Variants in ENTREP1 observed in about 807,000 individuals in gnomAD.
ENTREP1 encodes Friedreich ataxia region gene X123.
At chr9:69,383,474 C>T in the ENTREP1 span, 34 of 1,495,040 alleles carry the variant, frequency 2.3e-5, no homozygotes, top group Non-Finnish European at 2.8e-5. Context: ...CGGAGAGCAG[C>T]TTCTATTATT....
chr9:69,356,925 C>T, the ENTREP1 span, among the ~76,000 whole-genome samples: 1 of 152,104 alleles, frequency 6.6e-6, no homozygotes, highest in South Asian at 2.1e-4. Flanking sequence ...TGCTGAGGGT[C>T]CTGTCTTCTC....
chr9:69,338,252 T>C, the ENTREP1 span, among the ~76,000 whole-genome samples: 3 of 152,216 alleles, frequency 2.0e-5, no homozygotes, highest in Admixed American at 1.3e-4. Context: ...TCACAATGAC[T>C]CTCTAGGTTT....
At chr9:69,390,070 A>G in the ENTREP1 span, among the ~76,000 whole-genome samples, 1 of 152,242 alleles carries the variant, frequency 6.6e-6, no homozygotes, top group Admixed American at 6.5e-5. Context: ...TTTTAGATCC[A>G]TTTTGATTTT....
the ENTREP1 span, chr9:69,371,128 G>A: frequency 1.0e-5 from 3 of 288,262 alleles, no homozygotes; most frequent in African/African-American, 6.8e-5. Flanking sequence ...TTATATTCCA[G>A]AGTTCTGTAT....
At chr9:69,329,006 A>G in the ENTREP1 span, among the ~76,000 whole-genome samples, 1 of 152,016 alleles carries the variant, frequency 6.6e-6, no homozygotes, top group Non-Finnish European at 1.5e-5. Context: ...TTCACTTAGC[A>G]TGTTTTCAAG....
chr9:69,385,735 A>G, the ENTREP1 span: 1 of 1,449,290 alleles, frequency 6.9e-7, no homozygotes, highest in Non-Finnish European at 9.0e-7. Context: ...TGAGGACTGC[A>G]GCTGGTGAGA....
chr9:69,347,410 AC>A, the ENTREP1 span, among the ~76,000 whole-genome samples: 1 of 152,002 alleles, frequency 6.6e-6, no homozygotes, highest in African/African-American at 2.4e-5. Flanking sequence ...CCTTCCCCAC[AC>A]CCCCTTCTAT....
At chr9:69,374,684 A>G in the ENTREP1 span, among the ~76,000 whole-genome samples, 124,961 of 152,114 alleles carry the variant, frequency 0.82, 51,371 homozygotes, top group South Asian at 0.89. Context: ...TACAGGCAGG[A>G]TTAAGAATGC....
the ENTREP1 span, chr9:69,386,128 T>G: frequency 2.1e-6 from 1 of 477,026 alleles, no homozygotes. Flanking sequence ...ATATCTACCA[T>G]GTCTTTTAAG....
chr9:69,369,305 G>A, the ENTREP1 span, among the ~76,000 whole-genome samples: 1 of 152,098 alleles, frequency 6.6e-6, no homozygotes, highest in African/African-American at 2.4e-5. Flanking sequence ...GTGTGTGTGT[G>A]TCTTTATAGT....
At chr9:69,328,909 C>G in the ENTREP1 span, among the ~76,000 whole-genome samples, 1 of 152,046 alleles carries the variant, frequency 6.6e-6, no homozygotes, top group Non-Finnish European at 1.5e-5. Flanking sequence ...ACTGATTAAC[C>G]CACTTTCAGT....
the ENTREP1 span, among the ~76,000 whole-genome samples, chr9:69,384,985 G>A: frequency 9.6e-3 from 1,454 of 152,036 alleles, 12 homozygotes; most frequent in Non-Finnish European, 0.013. Context: ...GCAATGGGAC[G>A]ATCTCAGTTC....
the ENTREP1 span, among the ~76,000 whole-genome samples, chr9:69,373,804 T>G: frequency 6.6e-6 from 1 of 152,198 alleles, no homozygotes; most frequent in African/African-American, 2.4e-5. Context: ...TATCCATCGC[T>G]TTTAAATTGG....
the ENTREP1 span, among the ~76,000 whole-genome samples, chr9:69,373,325 G>A: frequency 2.0e-5 from 3 of 152,000 alleles, no homozygotes; most frequent in South Asian, 2.1e-4. Context: ...AACCTTTTTG[G>A]GCAAGGGGTT....
At chr9:69,329,186 A>G in the ENTREP1 span, 1 of 190,384 alleles carries the variant, frequency 5.3e-6, no homozygotes, top group South Asian at 1.8e-4. Flanking sequence ...AACACAGTAG[A>G]AGAATATCCT....
chr9:69,391,650 C>G, the ENTREP1 span: 2 of 1,614,164 alleles, frequency 1.2e-6, no homozygotes, highest in East Asian at 4.5e-5. Flanking sequence ...AAGCTGCCCT[C>G]GCGGAGACAG....
chr9:69,341,939 C>A, the ENTREP1 span, among the ~76,000 whole-genome samples: 3 of 152,122 alleles, frequency 2.0e-5, no homozygotes, highest in South Asian at 2.1e-4. Flanking sequence ...AGGTCTAAAC[C>A]AATAAGTGGC....
chr9:69,377,742 C>T, the ENTREP1 span: 1 of 1,610,858 alleles, frequency 6.2e-7, no homozygotes, highest in Non-Finnish European at 8.5e-7. Flanking sequence ...GGATGAACCG[C>T]AGGTATCGTT....
At chr9:69,348,136 A>G in the ENTREP1 span, among the ~76,000 whole-genome samples, 1 of 151,960 alleles carries the variant, frequency 6.6e-6, no homozygotes, top group Non-Finnish European at 1.5e-5. Context: ...TTCTTTTTTA[A>G]AAGAAGATCT....
Sources: allele counts gnomAD v4.1 joint callset (sites outside exome capture counted in the v4.1 genomes callset), GRCh38; gene constraint gnomAD v4.1.1; transcripts MANE v1.5; gene names NCBI Gene and HGNC (gene_info 2026-07-23, HGNC 2026-07-21).